The following FOXO3 variants were observed in gnomAD, a reference collection of about 807,000 sequenced individuals.
The protein encoded by FOXO3 is forkhead box protein O3.
A neutral mutation model predicts 41.9 loss-of-function variants in FOXO3; 4 were observed. That is an observed-to-expected ratio of 0.10 (90% CI 0.05 to 0.22). The LOEUF (loss-of-function observed/expected upper bound fraction) is 0.22, where lower values mean the gene tolerates loss of function less well. FOXO3 is among the 10% of genes least tolerant of loss of function. The pLI is 1.00. For synonymous variants in FOXO3, 318 were observed against 389.3 expected, an observed-to-expected ratio of 0.82 and a Z score of 2.16; for missense variants, 534 against 906.8, an observed-to-expected ratio of 0.59 and a Z score of 5.28.
intron 1 of FOXO3, among the ~76,000 whole-genome samples, chr6:108,601,010 A>T (rs547573721): frequency 6.6e-6 from 1 of 151,708 alleles, no homozygotes; most frequent in Admixed American, 6.6e-5. Context: ...GATCCTTCCT[A>T]TTGTCTTTTT....
rs575879232 is a variant in FOXO3 at position 108,669,260 on chromosome 6, C to G, written c.*34+4371C>G. Among the ~76,000 whole-genome samples, 12 of 152,282 alleles carry G rather than the reference C, an allele frequency of 7.9e-5. No individual in the cohort carries two copies. The South Asian group carries it at 2.5e-3, about 32-fold the overall frequency. Reference sequence around the variant, plus strand: ...ATCAGCAGGCTGCAGTATTGGAAGCCATTTGGAATTTACGTGTAGGCTACT... The same window carrying G: ...ATCAGCAGGCTGCAGTATTGGAAGCGATTTGGAATTTACGTGTAGGCTACT... On this transcript the variant is annotated intron_variant, in intron 2 of 2. Coordinates refer to ENST00000406360, the MANE Select transcript of FOXO3 (RefSeq NM_001455.4).
At chr6:108,610,957 C>T (rs2764263) in intron 1 of FOXO3, among the ~76,000 whole-genome samples, 147,253 of 152,304 alleles carry the variant, frequency 0.97, 71,394 homozygotes, top group East Asian at 1. Flanking sequence ...ACCACAATTA[C>T]GATAAAACAT....
chr6:108,598,225 T>C (rs796210007), intron 1 of FOXO3, among the ~76,000 whole-genome samples: 22 of 152,264 alleles, frequency 1.4e-4, no homozygotes, highest in East Asian at 9.6e-4. Flanking sequence ...TCTCCCTCAA[T>C]TGGGGAGGGG....
At chr6:108,565,417 C>T (rs920572607) in intron 1 of FOXO3, among the ~76,000 whole-genome samples, 1 of 152,202 alleles carries the variant, frequency 6.6e-6, no homozygotes, top group Non-Finnish European at 1.5e-5. Context: ...GCTTGCACTG[C>T]ACCCATGATT....
rs1562265312 is a variant in FOXO3, at chr6:108,665,812, G to GGA, written c.*34+923_*34+924insGA. 3.2e-5 allele frequency among the ~76,000 whole-genome samples: 4 copies of GGA among 125,432 alleles called. No individual in the cohort carries two copies. In the South Asian group the frequency reaches 8.0e-4, roughly 25 times the overall value. The allele number at this position is 125,432 out of a possible 152,430, so 82.3% of individuals were successfully genotyped here. A position where few individuals can be genotyped will look rare whatever the true frequency, so the allele number is the denominator to read the frequency against. ...TGGTAAAGCAAGAACCTATCTCTTAGAAAAAAAAAAAAAAAAAGCCAAAAA... is the reference window on the plus strand; with the variant it reads ...TGGTAAAGCAAGAACCTATCTCTTAGGAAAAAAAAAAAAAAAAAAGCCAAAAA... On this transcript the variant is annotated intron_variant, in intron 2 of 2. Transcript: ENST00000406360.
intron 1 of FOXO3, among the ~76,000 whole-genome samples, chr6:108,605,510 A>G (rs941053479): frequency 6.6e-6 from 1 of 152,176 alleles, no homozygotes; most frequent in Admixed American, 6.5e-5. Context: ...TGTCTTTTAC[A>G]TACAGTATTT....
intron 1 of FOXO3, among the ~76,000 whole-genome samples, chr6:108,627,543 A>T (rs1777845095): frequency 6.6e-6 from 1 of 152,134 alleles, no homozygotes; most frequent in Non-Finnish European, 1.5e-5. Context: ...AAATAAAAGA[A>T]ACAAAAGCCC....
intron 1 of FOXO3, among the ~76,000 whole-genome samples, chr6:108,591,729 A>T (rs936199180): frequency 5.3e-5 from 8 of 152,182 alleles, no homozygotes; most frequent in African/African-American, 1.9e-4. Context: ...GGGAGGTGAC[A>T]CAAAACAAAA....
chr6:108,602,284 C>T (rs1337266369), intron 1 of FOXO3, among the ~76,000 whole-genome samples: 1 of 152,024 alleles, frequency 6.6e-6, no homozygotes, highest in Non-Finnish European at 1.5e-5. Flanking sequence ...TCCTAAACTC[C>T]TACCATCAAT....
At chr6:108,663,318 G>T (rs980052155) in intron 1 of FOXO3, 137 bp from the exon 2 acceptor site, 89 of 1,343,572 alleles carry the variant, frequency 6.6e-5, no homozygotes, top group Non-Finnish European at 8.0e-5. Context: ...CTGCATTCCA[G>T]CATGGGCAGC....
rs150502155 is a variant in FOXO3 at position 108,591,797 on chromosome 6, G to A, written c.621+29968G>A. On this transcript the variant is annotated intron_variant, in intron 1 of 2. Transcript: ENST00000406360. The stretch of plus-strand genomic sequence containing the variant: ...GTACTTTATGCAAAGTTACTTATAA[G>A]TTCTGATTACTTTGAGAGAAAAATA... Among the ~76,000 whole-genome samples, 677 of 151,982 alleles carry A rather than the reference G, an allele frequency of 4.5e-3. 1 individual carries two copies. Among genetic ancestry groups the A allele is most frequent in the Non-Finnish European group, 8.2e-3 (560 of 68,004 alleles).
intron 1 of FOXO3, among the ~76,000 whole-genome samples, chr6:108,611,961 G>A (rs535569837): frequency 1.6e-3 from 244 of 152,104 alleles, no homozygotes; most frequent in African/African-American, 2.9e-3. Context: ...TGACACCTTC[G>A]TGTATTTCTA....
At chr6:108,624,583 A>G (rs1235137251) in intron 1 of FOXO3, among the ~76,000 whole-genome samples, 2 of 152,202 alleles carry the variant, frequency 1.3e-5, no homozygotes, top group Non-Finnish European at 2.9e-5. Flanking sequence ...AAATTAAATC[A>G]CCACCTTATT....
chr6:108,651,622 T>G (rs933587992), intron 1 of FOXO3, among the ~76,000 whole-genome samples: 2 of 152,240 alleles, frequency 1.3e-5, no homozygotes, highest in Non-Finnish European at 2.9e-5. Context: ...GAAGGGATTG[T>G]AAACTAAGAA....
chr6:108,584,378 A>AC (rs199608493), intron 1 of FOXO3, among the ~76,000 whole-genome samples: 3,186 of 152,200 alleles, frequency 0.021, 110 homozygotes, highest in African/African-American at 0.071. Context: ...TTTGTTGATA[A>AC]AAGTATTACT....
At chr6:108,601,821 G>A (rs1777064070) in intron 1 of FOXO3, among the ~76,000 whole-genome samples, 2 of 152,162 alleles carry the variant, frequency 1.3e-5, no homozygotes, top group African/African-American at 2.4e-5. Flanking sequence ...TCTCAGTAGT[G>A]TGTTCCTGTT....
chr6:108,625,870 A>G (rs1777801807), intron 1 of FOXO3, among the ~76,000 whole-genome samples: 1 of 152,204 alleles, frequency 6.6e-6, no homozygotes. Context: ...CTCCCACCAC[A>G]GGTCCTCAGT....
chr6:108,611,661 T>A (rs1271577613), intron 1 of FOXO3, among the ~76,000 whole-genome samples: 1 of 152,126 alleles, frequency 6.6e-6, no homozygotes, highest in Non-Finnish European at 1.5e-5. Flanking sequence ...AAATTGTATA[T>A]CTTCTTTGGT....
At chr6:108,591,270 A>G (rs1170367958) in intron 1 of FOXO3, among the ~76,000 whole-genome samples, 1 of 152,198 alleles carries the variant, frequency 6.6e-6, no homozygotes, top group Admixed American at 6.5e-5. Context: ...TCCTGAAACT[A>G]CTAGGTTTAT....
Sources: allele counts gnomAD v4.1 joint callset (sites outside exome capture counted in the v4.1 genomes callset), GRCh38; gene constraint gnomAD v4.1.1; transcripts MANE v1.5; gene names NCBI Gene and HGNC (gene_info 2026-07-23, HGNC 2026-07-21).